PKP4: variants seen among roughly 807,000 people sequenced by gnomAD.
PKP4 encodes the protein plakophilin 4.
PKP4 carries 90 observed loss-of-function variants against 145.1 expected under a neutral mutation model. That is an observed-to-expected ratio of 0.62 (90% confidence interval 0.52 to 0.74). The LOEUF (loss-of-function observed/expected upper bound fraction) is 0.74. PKP4 is among the 30% of genes least tolerant of loss of function. PKP4 has a pLI of 0.00. For missense variants in PKP4, 1,340 were observed against 1,482.7 expected (o/e 0.90, Z 1.58); for synonymous variants, 563 against 577.2 (o/e 0.98, Z 0.35).
chr2:158,515,077 C>T (rs1016667011), intron 1 of PKP4, among the ~76,000 whole-genome samples: 10 of 152,276 alleles, frequency 6.6e-5, no homozygotes, highest in Non-Finnish European at 5.9e-5. Flanking sequence ...CCTGTGCTTT[C>T]AGTAAAGTAA....
chr2:158,539,924 G>A (rs1203177819), intron 2 of PKP4, among the ~76,000 whole-genome samples: 1 of 152,086 alleles, frequency 6.6e-6, no homozygotes, highest in East Asian at 1.9e-4. Flanking sequence ...ACGATGCAGG[G>A]TGTCCTCCAC....
chr2:158,467,240 A>G (rs1195602766), intron 1 of PKP4, among the ~76,000 whole-genome samples: 2 of 152,198 alleles, frequency 1.3e-5, no homozygotes, highest in African/African-American at 4.8e-5. Context: ...CCCCAGTGGT[A>G]ACATCTTGAA....
intron 2 of PKP4, among the ~76,000 whole-genome samples, chr2:158,544,178 C>G (rs1324244619): frequency 6.6e-6 from 1 of 152,140 alleles, no homozygotes; most frequent in Non-Finnish European, 1.5e-5. Flanking sequence ...CTTTGTGGCT[C>G]CAGGGCAGCC....
At chr2:158,497,050 C>T (rs1695849914) in intron 1 of PKP4, among the ~76,000 whole-genome samples, 1 of 151,962 alleles carries the variant, frequency 6.6e-6, no homozygotes, top group African/African-American at 2.4e-5. Context: ...TGGTATTATA[C>T]AGGTGTGCCA....
At chr2:158,584,880 G>T (rs996110169) in intron 3 of PKP4, among the ~76,000 whole-genome samples, 96 of 152,032 alleles carry the variant, frequency 6.3e-4, no homozygotes, top group African/African-American at 2.2e-3. Flanking sequence ...TTTACTTCTC[G>T]ATAAATTGTA....
At chr2:158,586,983 A>G (rs1177836797) in intron 3 of PKP4, among the ~76,000 whole-genome samples, 1 of 152,238 alleles carries the variant, frequency 6.6e-6, no homozygotes, top group East Asian at 1.9e-4. Flanking sequence ...AATTTTAAAC[A>G]ATATATCTTT....
intron 16 of PKP4, 78 bp from the exon 17 acceptor site, chr2:158,669,642 A>C: frequency 8.6e-7 from 1 of 1,162,818 alleles, no homozygotes; most frequent in East Asian, 2.6e-5. Flanking sequence ...AAGAGATTGC[A>C]TGCCACCAGA....
At chr2:158,606,876 A>C (rs1022267344) in intron 4 of PKP4, among the ~76,000 whole-genome samples, 2 of 152,218 alleles carry the variant, frequency 1.3e-5, no homozygotes, top group Non-Finnish European at 1.5e-5. Flanking sequence ...GGAGATGTAT[A>C]ACTATATTCA....
chr2:158,611,094 G>A (rs1033155726), intron 4 of PKP4, among the ~76,000 whole-genome samples: 17 of 152,138 alleles, frequency 1.1e-4, no homozygotes, highest in African/African-American at 3.9e-4. Flanking sequence ...AGGCACTGAG[G>A]GGTTAATAGA....
intron 6 of PKP4, among the ~76,000 whole-genome samples, chr2:158,621,898 T>C (rs2052301217): frequency 6.6e-6 from 1 of 152,210 alleles, no homozygotes; most frequent in African/African-American, 2.4e-5. Context: ...CAATGTTAAA[T>C]ATGTTTGTTT....
intron 1 of PKP4, among the ~76,000 whole-genome samples, chr2:158,463,648 T>A (rs1454322989): frequency 1.3e-5 from 2 of 152,170 alleles, no homozygotes; most frequent in Non-Finnish European, 2.9e-5. Context: ...ATGAGGGAGT[T>A]GGTCTAGATG....
intron 1 of PKP4, among the ~76,000 whole-genome samples, chr2:158,466,570 T>G (rs1038568556): frequency 4.7e-5 from 7 of 149,896 alleles, no homozygotes; most frequent in Admixed American, 1.3e-4. Flanking sequence ...CCAGGCGTGG[T>G]GGCGGGCGCC....
chr2:158,545,891 T>C (rs1433396547), intron 2 of PKP4, among the ~76,000 whole-genome samples: 1 of 152,236 alleles, frequency 6.6e-6, no homozygotes, highest in Non-Finnish European at 1.5e-5. Context: ...GGAAGGTTTA[T>C]ATACAGTGCC....
intron 2 of PKP4, among the ~76,000 whole-genome samples, chr2:158,555,951 C>T (rs2046052300): frequency 6.6e-6 from 1 of 152,174 alleles, no homozygotes; most frequent in South Asian, 2.1e-4. Context: ...GCTGATCTAA[C>T]TCAAGATACT....
chr2:158,481,802 AAT>A (rs1432127306), intron 1 of PKP4, among the ~76,000 whole-genome samples: 1 of 152,224 alleles, frequency 6.6e-6, no homozygotes, highest in Admixed American at 6.5e-5. Flanking sequence ...ATTGACTGAT[AAT>A]ATATAAGTAA....
chr2:158,585,209 T>A (rs941807153), intron 3 of PKP4, among the ~76,000 whole-genome samples: 1 of 152,162 alleles, frequency 6.6e-6, no homozygotes, highest in African/African-American at 2.4e-5. Context: ...ATTAGGAAAA[T>A]GGGTGGCAAT....
chr2:158,611,761 T>C (rs1315506537), intron 4 of PKP4, among the ~76,000 whole-genome samples: 4 of 152,214 alleles, frequency 2.6e-5, no homozygotes, highest in African/African-American at 7.2e-5. Context: ...CGTCATTTAT[T>C]ATAGCCATAA....
chr2:158,498,336 G>C (rs1696048842), intron 1 of PKP4, among the ~76,000 whole-genome samples: 1 of 152,074 alleles, frequency 6.6e-6, no homozygotes, highest in Non-Finnish European at 1.5e-5. Flanking sequence ...CAATTGTTAG[G>C]TGACTGAGAA....
At chr2:158,679,161 T>C (rs534884935) in intron 21 of PKP4, 1 of 162,002 alleles carries the variant, frequency 6.2e-6, no homozygotes, top group South Asian at 1.7e-4. Flanking sequence ...GGGATGGACC[T>C]CACTGTGGGA....
Sources: gnomAD v4.1 joint callset for allele counts (sites outside exome capture counted in the v4.1 genomes callset) on GRCh38, gnomAD v4.1.1 for gene constraint, MANE v1.5 for transcripts, NCBI Gene and HGNC (gene_info 2026-07-23, HGNC 2026-07-21) for gene names.